OOSP3: variants seen among roughly 807,000 people sequenced by gnomAD.
OOSP3 encodes oocyte-secreted protein 3.
intron 2 of OOSP3, among the ~76,000 whole-genome samples, chr11:59,883,179 G>T (rs960699504): frequency 6.6e-6 from 1 of 152,090 alleles, no homozygotes; most frequent in African/African-American, 2.4e-5. Context: ...TCAATGAAAG[G>T]TCTAGCAATC....
chr11:59,891,830 G>A, intron 2 of OOSP3, among the ~76,000 whole-genome samples: 1 of 152,224 alleles, frequency 6.6e-6, no homozygotes, highest in East Asian at 1.9e-4. Context: ...GCTGACTAGA[G>A]CCACAGTAAT....
intron 3 of OOSP3, 137 bp from the exon 4 acceptor site, chr11:59,895,365 G>A: frequency 2.6e-6 from 1 of 381,814 alleles, no homozygotes; most frequent in Non-Finnish European, 4.6e-6. Context: ...AGAAGGCAGA[G>A]AGGTAGCAGT....
At chr11:59,894,745 G>C (rs1419065075) in intron 3 of OOSP3, among the ~76,000 whole-genome samples, 2 of 152,172 alleles carry the variant, frequency 1.3e-5, no homozygotes, top group African/African-American at 4.8e-5. Context: ...GGTAAAATGA[G>C]TTAAACAGAG....
intron 2 of OOSP3, among the ~76,000 whole-genome samples, chr11:59,892,144 C>T (rs1005045706): frequency 3.3e-5 from 5 of 152,312 alleles, no homozygotes; most frequent in African/African-American, 9.6e-5. Flanking sequence ...GTGCTTGGGA[C>T]CCAAGGCCCT....
chr11:59,884,475 GTCTCTCTCTCTC>G (rs60145654), intron 2 of OOSP3, among the ~76,000 whole-genome samples: 1,153 of 113,862 alleles, frequency 0.01, 14 homozygotes, highest in South Asian at 0.019. Context: ...CTGTCTGTCT[GTCTCTCTCTCTC>G]TCTCTCTCTC....
intron 2 of OOSP3, among the ~76,000 whole-genome samples, chr11:59,893,221 G>A (rs1853327865): frequency 6.6e-6 from 1 of 152,030 alleles, no homozygotes; most frequent in Non-Finnish European, 1.5e-5. Flanking sequence ...AATATTTGTT[G>A]CATTATTTAA....
At chr11:59,885,293 G>C (rs1376453251) in intron 2 of OOSP3, among the ~76,000 whole-genome samples, 1 of 151,914 alleles carries the variant, frequency 6.6e-6, no homozygotes, top group African/African-American at 2.4e-5. Context: ...TTTTGTTGGG[G>C]GGGCGCGTGG....
chr11:59,884,028 A>T (rs1408099456), intron 2 of OOSP3, among the ~76,000 whole-genome samples: 2 of 152,248 alleles, frequency 1.3e-5, no homozygotes, highest in Non-Finnish European at 2.9e-5. Context: ...CTGGATTCAT[A>T]TACAGGTCTT....
chr11:59,883,279 T>G (rs1590872626), intron 2 of OOSP3, among the ~76,000 whole-genome samples: 1 of 152,350 alleles, frequency 6.6e-6, no homozygotes, highest in East Asian at 1.9e-4. Flanking sequence ...ACCACTCACC[T>G]AAAATACTAG....
At chr11:59,884,697 T>G (rs1178537085) in intron 2 of OOSP3, among the ~76,000 whole-genome samples, 1 of 152,088 alleles carries the variant, frequency 6.6e-6, no homozygotes, top group East Asian at 1.9e-4. Context: ...AGATACCAGA[T>G]TTCATCATGT....
At chr11:59,880,622 A>T (rs1263287470) in intron 2 of OOSP3, among the ~76,000 whole-genome samples, 183 bp downstream of exon 2, 2 of 152,152 alleles carry the variant, frequency 1.3e-5, no homozygotes, top group East Asian at 3.9e-4. Context: ...CACATAGCCC[A>T]TTGTGGAGGA....
In OOSP3 at chr11:59,885,751, C is replaced by T. The variant is rs565579213; in HGVS notation, c.252+5312C>T. On this transcript the variant is annotated intron_variant, in intron 2 of 4. Coordinates refer to ENST00000646438, the Ensembl canonical transcript of OOSP3. ...GGCATTTGGGTTGGAAGTTTTTTTA[C>T]GTACATTCATAAGGTACATTGATCT... Among the ~76,000 whole-genome samples the T allele has an allele frequency of 6.8e-4, 103 of 151,986 alleles. 2 individuals are homozygous for T. The South Asian group carries it at 0.02, about 29-fold the overall frequency.
chr11:59,881,680 C>A (rs1025901769), intron 2 of OOSP3, among the ~76,000 whole-genome samples: 1 of 152,154 alleles, frequency 6.6e-6, no homozygotes, highest in Admixed American at 6.5e-5. Context: ...GAGTTTGAGA[C>A]CAGCCTGGCC....
At chr11:59,892,149 G>A (rs1014505515) in intron 2 of OOSP3, among the ~76,000 whole-genome samples, 4 of 152,194 alleles carry the variant, frequency 2.6e-5, no homozygotes, top group Non-Finnish European at 5.9e-5. Context: ...TGGGACCCAA[G>A]GCCCTGGTGG....
Position 59,880,264 on chromosome 11 carries a change from C to A in OOSP3, c.77C>A (p.Ser26Ter). 1 of 398,430 alleles carries A rather than the reference C, an allele frequency of 2.5e-6. No homozygotes were observed. The highest frequency in any genetic ancestry group is 1.3e-4 in the South Asian group (1 of 7,836). The allele number at this position is 398,430 out of a possible 1,614,324, so 24.7% of individuals were successfully genotyped here. The change falls in exon 2 of 5, where the codon TCA becomes TAA. Residue 26 changes from serine to a stop codon, truncating the protein, a stop_gained. Transcript: ENST00000646438. LOFTEE classifies it high-confidence loss of function. ...TAAAAAAATTTTTTTTCAACAGTGT[C>A]AGTAGGATGTACTTCCTCTATGTTC...
rs567218948 is a variant in OOSP3 at position 59,890,598 on chromosome 11, A to G, written c.253-3481A>G. Among the ~76,000 whole-genome samples the G allele has an allele frequency of 1.6e-4, 25 of 152,276 alleles. No individual in the cohort carries two copies. The East Asian group carries it at 4.8e-3, about 29-fold the overall frequency. On this transcript the variant is annotated intron_variant, in intron 2 of 4. Transcript: ENST00000646438. ...ATTCTTGTCTTTAAAAATGTTGAACATTGGCTCCCAATCTCTTTTGGCTTA... is the reference window on the plus strand; with the variant it reads ...ATTCTTGTCTTTAAAAATGTTGAACGTTGGCTCCCAATCTCTTTTGGCTTA...
intron 2 of OOSP3, among the ~76,000 whole-genome samples, chr11:59,889,227 ATT>A (rs554885801): frequency 7.5e-6 from 1 of 134,106 alleles, no homozygotes. Context: ...TATTTTGTTG[ATT>A]TTTTTTTTTT....
intron 2 of OOSP3, among the ~76,000 whole-genome samples, chr11:59,892,372 A>G (rs1004635268): frequency 2.6e-5 from 4 of 151,620 alleles, no homozygotes; most frequent in Non-Finnish European, 5.9e-5. Flanking sequence ...AGTCCCAATA[A>G]GAGAATCTGG....
At chr11:59,887,908 G>A (rs1394745287) in intron 2 of OOSP3, among the ~76,000 whole-genome samples, 6 of 152,214 alleles carry the variant, frequency 3.9e-5, no homozygotes, top group South Asian at 2.1e-4. Context: ...GCATTTTTAC[G>A]ATATTGATTC....
Sources: allele counts gnomAD v4.1 joint callset (sites outside exome capture counted in the v4.1 genomes callset), GRCh38; gene constraint gnomAD v4.1.1; transcripts MANE v1.5; gene names NCBI Gene and HGNC (gene_info 2026-07-23, HGNC 2026-07-21).